PURG: variants seen among roughly 807,000 people sequenced by gnomAD.
PURG encodes purine rich element binding protein G, also known as purine-rich element-binding protein gamma.
A neutral mutation model predicts 24.3 loss-of-function variants in PURG; 3 were observed. The observed-to-expected ratio is 0.12, with a 90% confidence interval of 0.06 to 0.32. The LOEUF is 0.32. PURG is among the 10% of genes least tolerant of loss of function. PURG has a pLI of 1.00. For synonymous variants in PURG, 180 were observed against 173.1 expected (o/e 1.04, Z -0.31); for missense variants, 371 against 439.1 (o/e 0.84, Z 1.39).
chr8:31,026,414 A>G (rs182789154), downstream of PURG, among the ~76,000 whole-genome samples: 4 of 151,752 alleles, frequency 2.6e-5, no homozygotes, highest in East Asian at 7.7e-4. Flanking sequence ...TATTTAAAAT[A>G]CACATATATT....
Position 31,033,081 on chromosome 8 carries a change from A to T in PURG, c.-10T>A. On this transcript the variant is annotated 5_prime_UTR_variant, in exon 1 of 2. It removes an upstream start codon present in the reference 5' UTR. Transcript: ENST00000523392. ...TCTCCAGCCGGCGGGCACTCACATC[A>T]TCTCTGCCATCACCGCCGCCGCCGA... is the stretch of plus-strand genomic sequence containing the variant. 1 of 197,562 alleles carries T rather than the reference A, an allele frequency of 5.1e-6. No homozygotes were observed. The highest frequency in any genetic ancestry group is 9.4e-5 in the East Asian group (1 of 10,614). 12.2% of individuals were successfully genotyped at this position (197,562 alleles called of 1,614,324 possible). A position where few individuals can be genotyped will look rare whatever the true frequency, so the allele number is the denominator to read the frequency against.
intron 1 of PURG, among the ~76,000 whole-genome samples, chr8:31,001,160 T>C (rs928915635): frequency 5.9e-5 from 9 of 152,202 alleles, no homozygotes; most frequent in Admixed American, 5.2e-4. Context: ...TAATACAACA[T>C]TCCACAATTT....
At chr8:31,006,665 TA>T (rs1358590905) in intron 1 of PURG, among the ~76,000 whole-genome samples, 10 of 152,342 alleles carry the variant, frequency 6.6e-5, no homozygotes, top group African/African-American at 2.4e-4. Context: ...CAAAGACATC[TA>T]AAACATGTAA....
intron 1 of PURG, among the ~76,000 whole-genome samples, chr8:31,000,158 A>G (rs560519350): frequency 1.3e-5 from 2 of 152,232 alleles, no homozygotes; most frequent in East Asian, 1.9e-4. Context: ...AATATGATGC[A>G]TGGGTTATTA....
intron 1 of PURG, among the ~76,000 whole-genome samples, chr8:30,998,973 C>T (rs988436269): frequency 6.6e-6 from 1 of 151,770 alleles, no homozygotes; most frequent in Non-Finnish European, 1.5e-5. Flanking sequence ...TAAAGTTAAA[C>T]ATTTATATTT....
At chr8:31,011,807 A>G (rs1387745024) in intron 1 of PURG, among the ~76,000 whole-genome samples, 10 of 152,202 alleles carry the variant, frequency 6.6e-5, no homozygotes, top group Admixed American at 6.5e-4. Flanking sequence ...CCTGGCAAAA[A>G]GTAGCTACTC....
intron 1 of PURG, among the ~76,000 whole-genome samples, chr8:31,022,631 G>A (rs1811018406): frequency 6.6e-6 from 1 of 152,084 alleles, no homozygotes; most frequent in Admixed American, 6.5e-5. Context: ...CTTCCAATAG[G>A]GTACAGTGTA....
At chr8:31,020,705 G>A (rs1810974237) in intron 1 of PURG, among the ~76,000 whole-genome samples, 1 of 152,176 alleles carries the variant, frequency 6.6e-6, no homozygotes, top group South Asian at 2.1e-4. Context: ...AGCTTGTCAA[G>A]GCAGAAGAAG....
intron 1 of PURG, among the ~76,000 whole-genome samples, chr8:31,001,539 T>C (rs1314254639): frequency 1.3e-5 from 2 of 152,218 alleles, no homozygotes; most frequent in Non-Finnish European, 2.9e-5. Flanking sequence ...GTACCCGTAC[T>C]GTATGCTCTT....
chr8:31,006,172 A>G (rs1200709904), intron 1 of PURG, among the ~76,000 whole-genome samples: 2 of 152,206 alleles, frequency 1.3e-5, no homozygotes, highest in African/African-American at 4.8e-5. Flanking sequence ...TACAGAAATA[A>G]CTTTATTACA....
chr8:31,016,538 T>C (rs1373233762), intron 1 of PURG, among the ~76,000 whole-genome samples: 1 of 122,098 alleles, frequency 8.2e-6, no homozygotes, highest in Non-Finnish European at 1.6e-5. Context: ...CAATTTGTGC[T>C]GGAAAAACGA....
Position 31,004,052 on chromosome 8 carries a change from A to G in PURG, c.865-7355T>C, listed in dbSNP as rs556146331. On this transcript the variant is annotated intron_variant, in intron 1 of 1. Transcript: ENST00000339382. ...AAATTCACCCTTTAGATTTGTTGAT[A>G]CACAATTTACTATGGCTCCCCAGAA... 7.2e-5 allele frequency among the ~76,000 whole-genome samples: 11 copies of G among 152,362 alleles called. No individual in the cohort carries two copies. The South Asian group carries it at 2.1e-3, about 29-fold the overall frequency.
At chr8:31,022,576 GGA>G (rs1811017495) in intron 1 of PURG, among the ~76,000 whole-genome samples, 1 of 152,194 alleles carries the variant, frequency 6.6e-6, no homozygotes, top group South Asian at 2.1e-4. Context: ...TAAATAGGAT[GGA>G]GTGGGTCCAT....
intron 1 of PURG, among the ~76,000 whole-genome samples, chr8:30,997,747 G>A (rs1810457438): frequency 6.6e-6 from 1 of 151,734 alleles, no homozygotes; most frequent in South Asian, 2.1e-4. Flanking sequence ...CCTTATGAAT[G>A]TCAGAAAGAT....
chr8:31,018,903 G>A (rs1274081413), intron 1 of PURG, among the ~76,000 whole-genome samples: 2 of 150,942 alleles, frequency 1.3e-5, no homozygotes, highest in Non-Finnish European at 2.9e-5. Context: ...TGAGGCGGGC[G>A]GATCACGAGG....
chr8:31,022,662 G>T (rs1215020484), intron 1 of PURG, among the ~76,000 whole-genome samples: 1 of 152,126 alleles, frequency 6.6e-6, no homozygotes, highest in Non-Finnish European at 1.5e-5. Flanking sequence ...GAAGGAAAGA[G>T]GATTATAATG....
At chr8:31,005,714 A>G (rs979354776) in intron 1 of PURG, among the ~76,000 whole-genome samples, 1 of 152,014 alleles carries the variant, frequency 6.6e-6, no homozygotes, top group African/African-American at 2.4e-5. Flanking sequence ...AATGCATTGT[A>G]ATGAAACACG....
At chr8:31,019,559 C>T (rs1810954093) in intron 1 of PURG, among the ~76,000 whole-genome samples, 1 of 151,544 alleles carries the variant, frequency 6.6e-6, no homozygotes, top group South Asian at 2.1e-4. Flanking sequence ...TCTTGAACTC[C>T]TGACCTCAAA....
rs551126095 is a variant in PURG at position 31,031,640 on chromosome 8, C to T, written c.*99G>A. ...CTACTAGAGGTATTACTAATAACAA[C>T]GGGCCAAAAAAGAGGAAAAACTTCT... is the stretch of plus-strand genomic sequence containing the variant. On this transcript the variant is annotated 3_prime_UTR_variant, in exon 2 of 2. Transcript: ENST00000523392. 8.8e-5 allele frequency: 101 copies of T among 1,148,526 alleles called. 1 individual carries two copies. In the South Asian group the frequency reaches 1.3e-3, roughly 15 times the overall value. 71.1% of individuals were successfully genotyped at this position (1,148,526 alleles called of 1,614,324 possible). A position where few individuals can be genotyped will look rare whatever the true frequency, so the allele number is the denominator to read the frequency against.
Sources: gnomAD v4.1 joint callset for allele counts (sites outside exome capture counted in the v4.1 genomes callset) on GRCh38, gnomAD v4.1.1 for gene constraint, MANE v1.5 for transcripts, NCBI Gene and HGNC (gene_info 2026-07-23, HGNC 2026-07-21) for gene names.